The following ABRA variants were observed in gnomAD, a reference collection of about 807,000 sequenced individuals.
ABRA encodes actin-binding Rho-activating protein.
A neutral mutation model predicts 33.4 loss-of-function variants in ABRA; 25 were observed. The observed-to-expected ratio is 0.75, with a 90% CI of 0.55 to 1.04. ABRA has a LOEUF of 1.04. Ranked by LOEUF, ABRA falls within the 50% of genes least tolerant of loss-of-function variation. The pLI, the probability that ABRA is intolerant of heterozygous loss-of-function variation, is 0.00. For missense variants in ABRA, 501 were observed against 491.7 expected, an observed-to-expected ratio of 1.02 and a Z score of -0.18; for synonymous variants, 193 against 176.8, an observed-to-expected ratio of 1.09 and a Z score of -0.73.
rs1486981375 is a variant in ABRA at position 106,759,797 on chromosome 8, A to G, written c.*1240T>C. On this transcript the variant is annotated 3_prime_UTR_variant, in exon 2 of 2. Transcript: ENST00000311955. ...AAGTGCTATACTATCAATGCATTTT[A>G]GTAATTTCATTGAATCCAGTAAGAA... 1 of 152,232 alleles carries G rather than the reference A, an allele frequency of 6.6e-6. No homozygotes were observed. The highest frequency in any genetic ancestry group is 1.5e-5 in the Non-Finnish European group (1 of 68,034). 9.4% of individuals were successfully genotyped at this position (152,232 alleles called of 1,614,324 possible).
intron 1 of ABRA, among the ~76,000 whole-genome samples, chr8:106,764,026 A>G (rs1299084001): frequency 6.6e-6 from 1 of 152,228 alleles, no homozygotes; most frequent in Non-Finnish European, 1.5e-5. Context: ...ACTCTGTAAA[A>G]TGTATAAGCA....
chr8:106,769,410 T>G, intron 1 of ABRA, 113 bp downstream of exon 1: 8 of 1,421,988 alleles, frequency 5.6e-6, no homozygotes, highest in Non-Finnish European at 7.6e-6. Flanking sequence ...TGTCCAGTCT[T>G]TGAGATTCTC....
At chr8:106,767,906 C>T (rs924433067) in intron 1 of ABRA, among the ~76,000 whole-genome samples, 2 of 152,018 alleles carry the variant, frequency 1.3e-5, no homozygotes, top group African/African-American at 4.8e-5. Flanking sequence ...ACCAGCCTGG[C>T]TAACATGGTG....
Position 106,769,526 on chromosome 8 carries a change from G to C in ABRA, c.665C>G (p.Ser222Cys), listed in dbSNP as rs771884458. Residue 222 changes from serine (S) to cysteine (C), a missense_variant, in exon 1 of 2, where the codon TCC (serine) becomes TGC (cysteine). Transcript: ENST00000311955. The part of the protein sequence containing the change: ...AVVRIKRPLP[S>C]QVNRFTEKLN... The stretch of plus-strand genomic sequence containing the variant: ...GTGGGAGAATGCATTCACTTACTGG[G>C]AGGGCAAGGGGCGCTTGATCCTGAC... 6.2e-7 allele frequency: 1 copy of C among 1,611,362 alleles called. No homozygotes were observed. The highest frequency in any genetic ancestry group is 8.5e-7 in the Non-Finnish European group (1 of 1,178,476).
At position 106,761,251 on chromosome 8, in the gene ABRA, A is replaced by G. The variant is rs781340771; in HGVS notation, c.932T>C (p.Met311Thr). ...TGTGCAGATAATGAAGCACATGTCC[A>G]TCATTTCCCTGTAGATGTGCTCCTC... ...RAEEHIYREM[M>T]DMCFIICTMA... is the part of the protein sequence containing the mutation. The change falls in exon 2 of 2, where the codon ATG (methionine) becomes ACG (threonine). Residue 311 changes from methionine to threonine, a missense_variant. Transcript: ENST00000311955. The G allele has an allele frequency of 3.7e-6, 6 of 1,614,100 alleles. No homozygotes were observed. The highest frequency in any genetic ancestry group is 1.3e-5 in the African/African-American group (1 of 74,940).
intron 1 of ABRA, among the ~76,000 whole-genome samples, chr8:106,764,078 A>T (rs1194272158): frequency 1.3e-5 from 2 of 152,236 alleles, no homozygotes; most frequent in South Asian, 2.1e-4. Context: ...ATTGAAAGTA[A>T]TTATGTCGGT....
intron 1 of ABRA, among the ~76,000 whole-genome samples, chr8:106,762,719 A>G (rs2131630538): frequency 6.6e-6 from 1 of 152,144 alleles, no homozygotes. Flanking sequence ...GGGGCTTAAT[A>G]CCTAGGTGAC....
intron 1 of ABRA, 63 bp downstream of exon 1, chr8:106,769,460 C>T: frequency 6.4e-7 from 1 of 1,552,958 alleles, no homozygotes; most frequent in Non-Finnish European, 8.7e-7. Flanking sequence ...GCCTGGATTC[C>T]CAGACTTGGT....
Position 106,770,093 on chromosome 8 carries a change from CA to C in ABRA, c.97del (p.Trp33GlyfsTer92). ...ATLVISLARG[W>X]QQWANENSIR... ...GCTGTTCTCATTCGCCCACTGCTGC[CA>C]ACCTCGGGCCAAGCTGATGACCAGG... On this transcript the variant is annotated frameshift_variant, in exon 1 of 2. Transcript: ENST00000311955. LOFTEE classifies it high-confidence loss of function. The C allele has an allele frequency of 6.2e-7, 1 of 1,613,918 alleles. No homozygotes were observed. Among genetic ancestry groups the C allele is most frequent in the East Asian group, 2.2e-5 (1 of 44,868 alleles).
At chr8:106,762,947 G>A (rs533039336) in intron 1 of ABRA, among the ~76,000 whole-genome samples, 5 of 152,246 alleles carry the variant, frequency 3.3e-5, no homozygotes, top group African/African-American at 7.2e-5. Context: ...CATCACAAGC[G>A]TCCCACCCTC....
rs753793249 is a variant in ABRA, at chr8:106,770,179, G to A, written c.12C>T (p.Gly4=). The A allele has an allele frequency of 1.1e-5, 17 of 1,605,876 alleles. No individual in the cohort carries two copies. Among genetic ancestry groups the A allele is most frequent in the Admixed American group, 3.3e-5 (2 of 59,884 alleles). The change falls in exon 1 of 2, where the codon GGC becomes GGT. Residue 4 remains glycine (G), a synonymous_variant. Coordinates refer to ENST00000311955, the MANE Select transcript of ABRA (RefSeq NM_139166.5). The part of the protein sequence containing the change: MAP[G]EKESGEGPAK... ...CTGGGCCCTCCCCGCTTTCCTTTTC[G>A]CCCGGAGCCATGCTGCCCACCTGTC...
At chr8:106,761,862 C>A (rs762884227) in intron 1 of ABRA, among the ~76,000 whole-genome samples, 6 of 152,086 alleles carry the variant, frequency 3.9e-5, no homozygotes, top group Non-Finnish European at 8.8e-5. Context: ...GAACTGAAAT[C>A]ATGTAGGTGT....
rs1226275836 is a variant in ABRA, at chr8:106,761,254, AT to A, written c.928del (p.Met310Ter). The A allele has an allele frequency of 6.2e-7, 1 of 1,614,174 alleles. No individual in the cohort carries two copies. The highest frequency in any genetic ancestry group is 1.1e-5 in the South Asian group (1 of 91,088). On this transcript the variant is annotated frameshift_variant, in exon 2 of 2. Coordinates refer to ENST00000311955, the MANE Select transcript of ABRA (RefSeq NM_139166.5). LOFTEE classifies it high-confidence loss of function. ...KRAEEHIYRE[M>X]MDMCFIICTM... ...GCAGATAATGAAGCACATGTCCATC[AT>A]TTCCCTGTAGATGTGCTCCTCAGCA...
In ABRA at chr8:106,769,754, T is replaced by C; in HGVS notation, c.437A>G (p.Asp146Gly). The stretch of plus-strand genomic sequence containing the variant: ...GTGGCTGTGGAGGATTCTGTCAATG[T>C]CATTCTCTGGCTGCCCAGGTTCAAG... The part of the protein sequence containing the change: ...GVLEPGQPEN[D>G]IDRILHSHGS... The change falls in exon 1 of 2, where the codon GAC (aspartate) becomes GGC (glycine). Residue 146 changes from aspartate (D) to glycine (G), a missense_variant. Asp to Gly is a moderately conservative substitution (Grantham distance 94). Transcript: ENST00000311955. The C allele has an allele frequency of 3.1e-6, 5 of 1,614,208 alleles. No individual in the cohort carries two copies. The highest frequency in any genetic ancestry group is 1.7e-5 in the Admixed American group (1 of 60,020).
In ABRA at chr8:106,761,286, G is replaced by A; in HGVS notation, c.897C>T (p.Ala299=). ...TGTAGATGTGCTCCTCAGCACGCTT[G>A]GCCCTTTCAGCAGTTTTGGTTCCTT... ...PKEGTKTAER[A]KRAEEHIYRE... is the part of the protein sequence containing the mutation. The change falls in exon 2 of 2, where the codon GCC becomes GCT. Residue 299 remains alanine (A), a synonymous_variant. Coordinates refer to ENST00000311955, the MANE Select transcript of ABRA (RefSeq NM_139166.5). The A allele has an allele frequency of 6.2e-7, 1 of 1,614,202 alleles. No individual in the cohort carries two copies. The highest frequency in any genetic ancestry group is 1.7e-5 in the Admixed American group (1 of 60,026).
At chr8:106,765,568 T>C (rs1268496449) in intron 1 of ABRA, among the ~76,000 whole-genome samples, 3 of 151,782 alleles carry the variant, frequency 2.0e-5, no homozygotes, top group Non-Finnish European at 4.4e-5. Context: ...TTTAGCCCAT[T>C]TGATTACTGA....
chr8:106,767,775 T>A (rs1810513279), intron 1 of ABRA, among the ~76,000 whole-genome samples: 1 of 152,184 alleles, frequency 6.6e-6, no homozygotes, highest in Non-Finnish European at 1.5e-5. Context: ...TTCTAATTCT[T>A]TCAAAACACC....
chr8:106,766,704 T>C (rs545698357), intron 1 of ABRA, among the ~76,000 whole-genome samples: 4 of 152,304 alleles, frequency 2.6e-5, no homozygotes, highest in African/African-American at 9.6e-5. Flanking sequence ...ACTCTGAACC[T>C]GCAGAGCCAA....
chr8:106,759,965 A>G lies in ABRA; in HGVS notation c.*1072T>C, dbSNP rs375590907. The G allele has an allele frequency of 1.3e-5, 2 of 152,318 alleles. No individual in the cohort carries two copies. Among genetic ancestry groups the G allele is most frequent in the South Asian group, 4.1e-4 (2 of 4,826 alleles). 9.4% of individuals were successfully genotyped at this position (152,318 alleles called of 1,614,324 possible). Reference sequence around the variant, plus strand: ...CAGTTTTATGACTTAAACATTTCATAAAGTTTTCTTTGTTACAGTATGAGG... The same window carrying G: ...CAGTTTTATGACTTAAACATTTCATGAAGTTTTCTTTGTTACAGTATGAGG... On this transcript the variant is annotated 3_prime_UTR_variant, in exon 2 of 2. Transcript: ENST00000311955.
Sources: allele counts gnomAD v4.1 joint callset (sites outside exome capture counted in the v4.1 genomes callset), GRCh38; gene constraint gnomAD v4.1.1; transcripts MANE v1.5; gene names NCBI Gene and HGNC (gene_info 2026-07-23, HGNC 2026-07-21).